Variants in RUNX1 observed in about 807,000 individuals in gnomAD.
The protein encoded by RUNX1 is RUNX family transcription factor 1, also known as runt-related transcription factor 1.
In RUNX1, 19 loss-of-function variants were observed where a neutral mutation model predicts 42.8. That is an observed-to-expected ratio of 0.44 (90% confidence interval 0.31 to 0.65). RUNX1 has a LOEUF of 0.65. Ranked by LOEUF, RUNX1 falls within the 30% of genes least tolerant of loss-of-function variation. The probability of loss-of-function intolerance (pLI) is 0.07; values close to 1 mark genes in which losing one functional copy is unlikely to be tolerated. For missense variants in RUNX1, 528 were observed against 672.0 expected (o/e 0.79, Z 2.37); for synonymous variants, 271 against 289.4 (o/e 0.94, Z 0.64).
At chr21:34,888,422 TGGGGAAAAGTTCGCAGCCA>T (rs1177978179) in intron 3 of RUNX1, 2 of 1,066,180 alleles carry the variant, frequency 1.9e-6, no homozygotes, top group African/African-American at 3.3e-5. Flanking sequence ...GGAAAACAAT[TGGGGAAAAGTTCGCAGCCA>T]GGAAAGAAGT....
At chr21:34,814,819 C>G (rs972567127) in intron 7 of RUNX1, among the ~76,000 whole-genome samples, 1 of 152,318 alleles carries the variant, frequency 6.6e-6, no homozygotes, top group Middle Eastern at 3.4e-3. Flanking sequence ...CATCAGGCTT[C>G]TGTCCACACC....
intron 7 of RUNX1, among the ~76,000 whole-genome samples, chr21:34,820,250 A>C (rs1482090181): frequency 1.3e-5 from 2 of 151,950 alleles, no homozygotes; most frequent in African/African-American, 2.4e-5. Context: ...GGTGGGGCTG[A>C]GTAGAATGGG....
chr21:35,009,623 G>C (rs2059111023), intron 2 of RUNX1, among the ~76,000 whole-genome samples: 2 of 152,210 alleles, frequency 1.3e-5, no homozygotes, highest in Non-Finnish European at 2.9e-5. Context: ...AGGCCTGCTA[G>C]AGGACAATGG....
At position 35,019,662 on chromosome 21, in the gene RUNX1, C is replaced by T. The variant is rs79256957; in HGVS notation, c.58+29180G>A. Among the ~76,000 whole-genome samples the T allele has an allele frequency of 5.9e-3, 897 of 152,240 alleles. 9 individuals carry two copies. The highest frequency in any genetic ancestry group is 0.02 in the African/African-American group (827 of 41,532). ...CACCTCACACAGGATCACACCCACA[C>T]CCCCCAGAAAGCTGAATAAGACCTA... On this transcript the variant is annotated intron_variant, in intron 2 of 8. Coordinates refer to ENST00000675419, the MANE Select transcript of RUNX1 (RefSeq NM_001754.5).
intron 5 of RUNX1, among the ~76,000 whole-genome samples, chr21:34,879,353 A>G (rs1040837731): frequency 6.6e-6 from 1 of 152,164 alleles, no homozygotes. Context: ...CATTATATAA[A>G]TTTTTTATTT....
intron 6 of RUNX1, among the ~76,000 whole-genome samples, chr21:34,849,118 G>C (rs952362367): frequency 2.7e-5 from 4 of 148,314 alleles, no homozygotes; most frequent in Admixed American, 2.1e-4. Context: ...TGGAAACTAA[G>C]TATATGTATA....
chr21:34,867,751 G>T (rs1214962650), intron 5 of RUNX1, among the ~76,000 whole-genome samples: 2 of 152,078 alleles, frequency 1.3e-5, no homozygotes, highest in Admixed American at 1.3e-4. Flanking sequence ...TCTCAGCTGG[G>T]GAACCAAGTT....
At chr21:34,892,252 T>C (rs942868021) in intron 3 of RUNX1, among the ~76,000 whole-genome samples, 5 of 152,352 alleles carry the variant, frequency 3.3e-5, no homozygotes, top group Non-Finnish European at 7.4e-5. Context: ...GTAACATGTA[T>C]GTACAAATCA....
Position 34,932,944 on chromosome 21 carries a change from A to G in RUNX1, c.59-39981T>C, listed in dbSNP as rs376945050. Among the ~76,000 whole-genome samples, 12 of 152,284 alleles carry G rather than the reference A, an allele frequency of 7.9e-5. 1 individual carries two copies. The East Asian group carries it at 1.9e-3, about 25-fold the overall frequency. On this transcript the variant is annotated intron_variant, in intron 2 of 8. Transcript: ENST00000675419. ...TTATACCCATCTCTCTTCTTATTGC[A>G]TGTGCATCCTCTTTTATGCATTCAC... is the stretch of plus-strand genomic sequence containing the variant.
intron 4 of RUNX1, among the ~76,000 whole-genome samples, chr21:34,885,157 C>T (rs1441475132): frequency 6.6e-6 from 1 of 152,108 alleles, no homozygotes; most frequent in African/African-American, 2.4e-5. Context: ...AGAAGAGACC[C>T]TGATTTCCCC....
At position 34,791,482 on chromosome 21, in the gene RUNX1, A is replaced by G. The variant is rs539692407; in HGVS notation, c.*653T>C. Reference sequence around the variant, plus strand: ...AAAAACAACTACCCAAAAGTCCAAAAGAAAAGTTAAATAAAACTTAAAGAA... The same window carrying G: ...AAAAACAACTACCCAAAAGTCCAAAGGAAAAGTTAAATAAAACTTAAAGAA... On this transcript the variant is annotated 3_prime_UTR_variant, in exon 9 of 9. Transcript: ENST00000675419. The G allele has an allele frequency of 8.6e-6, 2 of 232,680 alleles. No individual in the cohort carries two copies. Among genetic ancestry groups the G allele is most frequent in the East Asian group, 6.1e-5 (1 of 16,386 alleles). The allele number at this position is 232,680 out of a possible 1,614,324, so 14.4% of individuals were successfully genotyped here. A position where few individuals can be genotyped will look rare whatever the true frequency, so the allele number is the denominator to read the frequency against.
At chr21:34,804,807 A>G (rs996337251) in intron 7 of RUNX1, among the ~76,000 whole-genome samples, 8 of 151,414 alleles carry the variant, frequency 5.3e-5, no homozygotes, top group Non-Finnish European at 1.2e-4. Flanking sequence ...CAGTGGCGCA[A>G]TCTTGGCTTA....
At chr21:34,863,616 G>A (rs2057609965) in intron 5 of RUNX1, among the ~76,000 whole-genome samples, 2 of 145,076 alleles carry the variant, frequency 1.4e-5, no homozygotes, top group Non-Finnish European at 3.0e-5. Flanking sequence ...GTGCAATGGC[G>A]TGATCTCGGC....
chr21:35,002,560 T>C lies in RUNX1; in HGVS notation c.58+46282A>G, dbSNP rs1477911229. ...CTCCTGCCTCAGCCTCCCGAGTAGC[T>C]GGGACTACAGGCACACGCCACCATG... On this transcript the variant is annotated intron_variant, in intron 2 of 8. Coordinates refer to ENST00000675419, the MANE Select transcript of RUNX1 (RefSeq NM_001754.5). 3.3e-5 allele frequency among the ~76,000 whole-genome samples: 5 copies of C among 152,084 alleles called. No individual in the cohort carries two copies. In the East Asian group the frequency reaches 9.7e-4, roughly 29 times the overall value.
chr21:34,927,095 A>C (rs1431223660), intron 2 of RUNX1, among the ~76,000 whole-genome samples: 1 of 152,176 alleles, frequency 6.6e-6, no homozygotes, highest in Non-Finnish European at 1.5e-5. Context: ...AAAAAAAAGA[A>C]AGTGTGAATT....
intron 2 of RUNX1, among the ~76,000 whole-genome samples, chr21:34,920,892 T>C (rs2058348758): frequency 1.3e-5 from 2 of 152,206 alleles, no homozygotes; most frequent in African/African-American, 4.8e-5. Context: ...TGAGTCTCAC[T>C]CTATCACCCA....
intron 2 of RUNX1, among the ~76,000 whole-genome samples, chr21:34,953,156 A>G (rs2058621026): frequency 6.6e-6 from 1 of 151,860 alleles, no homozygotes; most frequent in Admixed American, 6.6e-5. Flanking sequence ...TACGTTTTAC[A>G]GCATTATTAT....
chr21:34,960,258 C>T (rs1795623587), intron 2 of RUNX1, among the ~76,000 whole-genome samples: 1 of 152,180 alleles, frequency 6.6e-6, no homozygotes, highest in African/African-American at 2.4e-5. Flanking sequence ...TCCCTGCTGC[C>T]CCGGCTCCCG....
At chr21:35,022,895 G>GAATAATAATAATAATAATAATAATAAT (rs71196925) in intron 2 of RUNX1, among the ~76,000 whole-genome samples, 84 of 144,284 alleles carry the variant, frequency 5.8e-4, no homozygotes, top group Middle Eastern at 7.1e-3. Flanking sequence ...TACTCTGTTT[G>GAATAATAATAATAATAATAATAATAAT]AATAATAATA....
Sources: allele counts gnomAD v4.1 joint callset (sites outside exome capture counted in the v4.1 genomes callset), GRCh38; gene constraint gnomAD v4.1.1; transcripts MANE v1.5; gene names NCBI Gene and HGNC (gene_info 2026-07-23, HGNC 2026-07-21).